ARHGEF10: variants seen among roughly 807,000 people sequenced by gnomAD.
ARHGEF10 encodes Rho guanine nucleotide exchange factor 10.
Under a neutral mutation model 147.4 loss-of-function variants are expected in ARHGEF10, and 140 were observed. The ratio of observed to expected loss-of-function variants is 0.95; its 90% CI spans 0.83 to 1.09. The LOEUF (loss-of-function observed/expected upper bound fraction) is 1.09. ARHGEF10 is among the 50% of genes least tolerant of loss of function. ARHGEF10 has a pLI of 0.00. For missense variants in ARHGEF10, 2,222 were observed against 1,752.7 expected, an observed-to-expected ratio of 1.27 and a Z score of -4.78; for synonymous variants, 902 against 695.8, an observed-to-expected ratio of 1.30 and a Z score of -4.67.
chr8:1,883,973 T>A (rs1021799468), intron 10 of ARHGEF10, among the ~76,000 whole-genome samples: 1 of 151,714 alleles, frequency 6.6e-6, no homozygotes, highest in Admixed American at 6.6e-5. Flanking sequence ...GCTGGCAGAG[T>A]CCCCCGGGAC....
intron 18 of ARHGEF10, among the ~76,000 whole-genome samples, chr8:1,914,656 A>C (rs893874243): frequency 6.6e-6 from 1 of 152,226 alleles, no homozygotes; most frequent in African/African-American, 2.4e-5. Context: ...AAACAGAACA[A>C]AATGCCTCTG....
intron 5 of ARHGEF10, 118 bp from the exon 6 acceptor site, chr8:1,866,408 T>C: frequency 1.2e-6 from 1 of 821,810 alleles, no homozygotes; most frequent in Non-Finnish European, 2.0e-6. Flanking sequence ...TAGTAACATA[T>C]ATATATATAT....
At chr8:1,866,422 GACACAC>G (rs57422654) in intron 5 of ARHGEF10, 98 bp from the exon 6 acceptor site, 10,034 of 758,900 alleles carry the variant, frequency 0.013, no homozygotes, top group East Asian at 0.028. Flanking sequence ...TATATATTCT[GACACAC>G]ACACACACAC....
chr8:1,917,930 C>T (rs1376460422), intron 18 of ARHGEF10, among the ~76,000 whole-genome samples: 1 of 151,848 alleles, frequency 6.6e-6, no homozygotes, highest in East Asian at 1.9e-4. Flanking sequence ...GAGTGTGTAC[C>T]ACCATGCCTG....
At chr8:1,881,522 A>G (rs1251347473) in intron 9 of ARHGEF10, among the ~76,000 whole-genome samples, 1 of 152,114 alleles carries the variant, frequency 6.6e-6, no homozygotes, top group Non-Finnish European at 1.5e-5. Flanking sequence ...TGGCAGCAGG[A>G]CATGGTCCCA....
At chr8:1,909,515 ACT>A (rs1811197451) in intron 18 of ARHGEF10, 45 bp downstream of exon 18, 3 of 1,610,230 alleles carry the variant, frequency 1.9e-6, no homozygotes, top group Non-Finnish European at 2.5e-6. Flanking sequence ...GGCCAGGGTA[ACT>A]CTCACGTTCA....
At chr8:1,855,493 C>T (rs1445360124) in intron 2 of ARHGEF10, among the ~76,000 whole-genome samples, 6 of 152,026 alleles carry the variant, frequency 3.9e-5, no homozygotes, top group African/African-American at 1.4e-4. Context: ...GTGATCCTCC[C>T]ACCTCAGCCT....
intron 28 of ARHGEF10, among the ~76,000 whole-genome samples, chr8:1,955,027 ACT>A (rs1815381843): frequency 2.9e-5 from 4 of 137,328 alleles, no homozygotes; most frequent in African/African-American, 5.9e-5. Context: ...AAGGAGGTGC[ACT>A]CTCACTGTTT....
chr8:1,877,464 GTGATC>G (rs1318335255), intron 8 of ARHGEF10, among the ~76,000 whole-genome samples: 1 of 152,208 alleles, frequency 6.6e-6, no homozygotes, highest in East Asian at 1.9e-4. Flanking sequence ...CTGACCTCAG[GTGATC>G]TGCCCACCTC....
chr8:1,933,881 C>G lies in ARHGEF10; in HGVS notation c.3161C>G (p.Thr1054Arg), dbSNP rs141078341. The change falls in exon 26 of 29, where the codon ACG (threonine) becomes AGG (arginine). Residue 1054 changes from threonine (T) to arginine (R), a missense_variant. By Grantham distance (71) the Thr-to-Arg change is moderately conservative. Coordinates refer to ENST00000349830, the MANE Select transcript of ARHGEF10 (RefSeq NM_014629.4). ...AGAAGTCTACTCATGATGGAAGACA[C>G]GTTGTGGGCGGCTTCCGGAGGTCAA... Reference protein sequence around the residue: ...PVRSLLMMEDTLWAASGGQVF... With the variant: ...PVRSLLMMEDRLWAASGGQVF... 5.8e-5 allele frequency: 93 copies of G among 1,614,144 alleles called. No homozygotes were observed. In the Middle Eastern group the frequency reaches 8.2e-4, roughly 14 times the overall value.
chr8:1,827,026 C>CA (rs1802810666), intron 1 of ARHGEF10, among the ~76,000 whole-genome samples: 1 of 152,174 alleles, frequency 6.6e-6, no homozygotes, highest in Admixed American at 6.5e-5. Flanking sequence ...GTCTGAGAGG[C>CA]AGGGAGAGCA....
intron 11 of ARHGEF10, among the ~76,000 whole-genome samples, chr8:1,888,095 T>A (rs973811920): frequency 8.3e-6 from 1 of 119,852 alleles, no homozygotes; most frequent in African/African-American, 3.5e-5. Flanking sequence ...CTAGGTAGGG[T>A]GAATGTTTTG....
chr8:1,862,224 C>T (rs1426614680), intron 4 of ARHGEF10, among the ~76,000 whole-genome samples: 1 of 152,250 alleles, frequency 6.6e-6, no homozygotes, highest in Non-Finnish European at 1.5e-5. Context: ...TGGAGCCTCC[C>T]TGGGGCGGGG....
At chr8:1,865,362 A>G (rs1466583212) in intron 5 of ARHGEF10, among the ~76,000 whole-genome samples, 7 of 149,774 alleles carry the variant, frequency 4.7e-5, no homozygotes, top group Admixed American at 1.3e-4. Flanking sequence ...CCATGAGGCC[A>G]TCACCAGGAC....
chr8:1,855,966 G>A (rs906591715), intron 2 of ARHGEF10, among the ~76,000 whole-genome samples: 1 of 151,868 alleles, frequency 6.6e-6, no homozygotes, highest in African/African-American at 2.4e-5. Context: ...GGTCGCTTGG[G>A]AGACAGTGAG....
chr8:1,899,286 T>C (rs917585997), intron 15 of ARHGEF10, among the ~76,000 whole-genome samples: 3 of 152,232 alleles, frequency 2.0e-5, no homozygotes, highest in African/African-American at 7.2e-5. Context: ...ATGAATGCCA[T>C]GCCTCCAGGG....
chr8:1,915,993 G>A (rs114291254), intron 18 of ARHGEF10, among the ~76,000 whole-genome samples: 312 of 152,308 alleles, frequency 2.0e-3, no homozygotes, highest in African/African-American at 6.2e-3. Flanking sequence ...GACAGCCAGC[G>A]TCTCAGGAAA....
At chr8:1,921,467 G>A (rs557805142) in intron 18 of ARHGEF10, among the ~76,000 whole-genome samples, 36 of 152,288 alleles carry the variant, frequency 2.4e-4, no homozygotes, top group East Asian at 5.8e-4. Flanking sequence ...GGTGGCTCAC[G>A]CCTCTAATCC....
intron 23 of ARHGEF10, among the ~76,000 whole-genome samples, chr8:1,927,739 C>A (rs1812795985): frequency 1.3e-5 from 2 of 152,216 alleles, no homozygotes; most frequent in East Asian, 1.9e-4. Flanking sequence ...CATAGTGAAA[C>A]CCCGTCTGTA....
Sources: allele counts gnomAD v4.1 joint callset (sites outside exome capture counted in the v4.1 genomes callset), GRCh38; gene constraint gnomAD v4.1.1; transcripts MANE v1.5; gene names NCBI Gene and HGNC (gene_info 2026-07-23, HGNC 2026-07-21).